PLCE1: variants seen among roughly 807,000 people sequenced by gnomAD.
PLCE1 encodes phospholipase C epsilon 1.
Under a neutral mutation model 242.8 loss-of-function variants are expected in PLCE1, and 119 were observed. The ratio of observed to expected loss-of-function variants is 0.49; its 90% CI spans 0.42 to 0.57. PLCE1 has a LOEUF of 0.57. Among genes scored for constraint, PLCE1 ranks in the 20% least tolerant of loss-of-function variants. The pLI is 0.00. For synonymous variants in PLCE1, 945 were observed against 1,017.4 expected, an observed-to-expected ratio of 0.93 and a Z score of 1.35; for missense variants, 2,441 against 2,788.8, an observed-to-expected ratio of 0.88 and a Z score of 2.81.
chr10:94,024,232 A>G (rs2061422243), intron 1 of PLCE1, among the ~76,000 whole-genome samples: 1 of 152,154 alleles, frequency 6.6e-6, no homozygotes, highest in Non-Finnish European at 1.5e-5. Flanking sequence ...ATAACTGACC[A>G]ATGTTGGTTG....
At chr10:94,209,757 A>G (rs997200236) in intron 4 of PLCE1, among the ~76,000 whole-genome samples, 11 of 152,226 alleles carry the variant, frequency 7.2e-5, no homozygotes, top group African/African-American at 2.4e-4. Flanking sequence ...AATTCAATGC[A>G]GGTGCCTCAC....
Position 94,134,715 on chromosome 10 carries a change from G to A in PLCE1, c.1492+2256G>A, listed in dbSNP as rs143540327. 3.5e-3 allele frequency among the ~76,000 whole-genome samples: 527 copies of A among 152,224 alleles called. 10 individuals are homozygous for A. Among genetic ancestry groups the A allele is most frequent in the African/African-American group, 0.012 (507 of 41,540 alleles). ...TGTGGAGAGAAATAAGGAAGCTGCT[G>A]GTGTGTGCATCTATGGCCCTGATCA... On this transcript the variant is annotated intron_variant, in intron 3 of 32. Coordinates refer to ENST00000371380, the MANE Select transcript of PLCE1 (RefSeq NM_016341.4).
chr10:94,106,499 G>A (rs1171174177), intron 2 of PLCE1, among the ~76,000 whole-genome samples: 2 of 152,158 alleles, frequency 1.3e-5, no homozygotes, highest in Non-Finnish European at 2.9e-5. Flanking sequence ...ATGCTGGAGT[G>A]AGCATCTTTA....
chr10:94,304,742 C>T, intron 25 of PLCE1, 97 bp downstream of exon 25: 1 of 1,208,160 alleles, frequency 8.3e-7, no homozygotes, highest in South Asian at 1.2e-5. Context: ...GCTGTCATGT[C>T]ACAATTTGGG....
Position 94,293,564 on chromosome 10 carries a change from A to G in PLCE1, c.5092A>G (p.Lys1698Glu). Reference protein sequence around the residue: ...SSRGKERKSRKSIFGNNPGRM... With the variant: ...SSRGKERKSRESIFGNNPGRM... ...CAGAGGAAAAGAAAGGAAAAGCAGGAAGTCCATTTTTGGCAACAATCCGGG... is the reference window on the plus strand; with the variant it reads ...CAGAGGAAAAGAAAGGAAAAGCAGGGAGTCCATTTTTGGCAACAATCCGGG... The change falls in exon 23 of 33, where the codon AAG becomes GAG. Residue 1698 changes from lysine (K) to glutamate (E), a missense_variant. By Grantham distance (56) the Lys-to-Glu change is moderately conservative. Transcript: ENST00000371380. 1 of 1,613,952 alleles carries G rather than the reference A, an allele frequency of 6.2e-7. No homozygotes were observed. The highest frequency in any genetic ancestry group is 2.2e-5 in the East Asian group (1 of 44,866).
At chr10:94,169,789 A>C (rs2047916459) in intron 3 of PLCE1, among the ~76,000 whole-genome samples, 1 of 152,214 alleles carries the variant, frequency 6.6e-6, no homozygotes, top group South Asian at 2.1e-4. Flanking sequence ...ATCATACAGC[A>C]GCCCAGAAGC....
chr10:94,102,039 AG>A (rs902273264), intron 2 of PLCE1, among the ~76,000 whole-genome samples: 16 of 152,164 alleles, frequency 1.1e-4, no homozygotes, highest in Non-Finnish European at 2.2e-4. Flanking sequence ...AATCTGAGAA[AG>A]GGGGGCAAAT....
chr10:94,022,295 C>G (rs535212410), intron 1 of PLCE1, among the ~76,000 whole-genome samples: 1 of 151,772 alleles, frequency 6.6e-6, no homozygotes, highest in Non-Finnish European at 1.5e-5. Flanking sequence ...ACAAGACCAC[C>G]ACTAACATAA....
chr10:94,231,604 A>G (rs2050146785), intron 5 of PLCE1, among the ~76,000 whole-genome samples: 1 of 151,036 alleles, frequency 6.6e-6, no homozygotes, highest in African/African-American at 2.4e-5. Context: ...AAAAAAAAAA[A>G]GCAAGTTGTT....
intron 23 of PLCE1, 23 bp downstream of exon 23, chr10:94,293,662 T>A (rs1362151921): frequency 9.3e-6 from 15 of 1,611,914 alleles, no homozygotes; most frequent in Middle Eastern, 1.6e-4. Context: ...TCTTACAATA[T>A]CTTTGCTTGA....
Position 94,030,944 on chromosome 10 carries a change from G to A in PLCE1, c.-103G>A. ...CCCTTTGTTCTTTGGGAGGACTTGT[G>A]TATCTGAGATTGTTGTAATAATCAG... On this transcript the variant is annotated 5_prime_UTR_variant, in exon 2 of 33. Transcript: ENST00000371380. The A allele has an allele frequency of 1.8e-6, 2 of 1,118,568 alleles. No homozygotes were observed. The highest frequency in any genetic ancestry group is 1.3e-5 in the South Asian group (1 of 79,866). 69.3% of individuals were successfully genotyped at this position (1,118,568 alleles called of 1,614,324 possible).
chr10:94,116,216 A>G (rs2046125237), intron 2 of PLCE1, among the ~76,000 whole-genome samples: 1 of 152,136 alleles, frequency 6.6e-6, no homozygotes, highest in African/African-American at 2.4e-5. Flanking sequence ...AACTACTCAC[A>G]ATTTAGATCT....
chr10:94,002,322 G>A (rs2060946914), intron 1 of PLCE1, among the ~76,000 whole-genome samples: 1 of 152,034 alleles, frequency 6.6e-6, no homozygotes, highest in African/African-American at 2.4e-5. Context: ...AGAATGGTCC[G>A]GGCGTCTCTA....
chr10:94,175,660 A>AT (rs1590185416), intron 4 of PLCE1, among the ~76,000 whole-genome samples: 1 of 151,814 alleles, frequency 6.6e-6, no homozygotes, highest in South Asian at 2.1e-4. Context: ...TAGATCTTAC[A>AT]TTTTTTTCTG....
At chr10:94,243,651 A>G (rs941989841) in intron 7 of PLCE1, among the ~76,000 whole-genome samples, 14 of 152,234 alleles carry the variant, frequency 9.2e-5, no homozygotes, top group Admixed American at 5.9e-4. Context: ...GTGACTGAGC[A>G]TAACTAGCAT....
rs566520124 is a variant in PLCE1, at chr10:94,328,278, A to C, written c.*335A>C. On this transcript the variant is annotated 3_prime_UTR_variant, in exon 33 of 33. Coordinates refer to ENST00000371380, the MANE Select transcript of PLCE1 (RefSeq NM_016341.4). ...TAAATATTTTAGGGCTGGGGGCCAT[A>C]AAATATGTTGCAACCACCCAATTCT... 1 of 208,434 alleles carries C rather than the reference A, an allele frequency of 4.8e-6. No homozygotes were observed. Among genetic ancestry groups the C allele is most frequent in the Admixed American group, 5.1e-5 (1 of 19,650 alleles). 12.9% of individuals were successfully genotyped at this position (208,434 alleles called of 1,614,324 possible). A position where few individuals can be genotyped will look rare whatever the true frequency, so the allele number is the denominator to read the frequency against.
intron 20 of PLCE1, among the ~76,000 whole-genome samples, chr10:94,282,491 C>G (rs143334653): frequency 1.2e-3 from 182 of 152,200 alleles, no homozygotes; most frequent in Middle Eastern, 0.01. Context: ...TAATCTGTTT[C>G]TGTACATTTG....
intron 4 of PLCE1, among the ~76,000 whole-genome samples, chr10:94,226,071 G>C (rs1419524051): frequency 6.6e-6 from 1 of 152,244 alleles, no homozygotes; most frequent in Non-Finnish European, 1.5e-5. Context: ...AGTCAGGATA[G>C]AGAAGGTAAC....
chr10:93,995,909 C>T (rs543103071), intron 1 of PLCE1, among the ~76,000 whole-genome samples: 1 of 152,216 alleles, frequency 6.6e-6, no homozygotes, highest in African/African-American at 2.4e-5. Flanking sequence ...TACAACCATT[C>T]TTAGTCACAT....
Sources: allele counts gnomAD v4.1 joint callset (sites outside exome capture counted in the v4.1 genomes callset), GRCh38; gene constraint gnomAD v4.1.1; transcripts MANE v1.5; gene names NCBI Gene and HGNC (gene_info 2026-07-23, HGNC 2026-07-21).